The following EPHB4 variants were observed in gnomAD, a reference collection of about 807,000 sequenced individuals.
The protein encoded by EPHB4 is EPH receptor B4.
EPHB4 carries 50 observed loss-of-function variants against 110.6 expected under a neutral mutation model. That is an observed-to-expected ratio of 0.45 (90% CI 0.36 to 0.57). EPHB4 has a LOEUF of 0.57. Among genes scored for constraint, EPHB4 ranks in the 20% least tolerant of loss-of-function variants. The probability of loss-of-function intolerance (pLI) is 0.00; values close to 1 mark genes in which losing one functional copy is unlikely to be tolerated. For missense variants in EPHB4, 1,128 were observed against 1,382.1 expected, an observed-to-expected ratio of 0.82 and a Z score of 2.91; for synonymous variants, 592 against 578.4, an observed-to-expected ratio of 1.02 and a Z score of -0.34.
In EPHB4 at chr7:100,810,612, G is replaced by A. The variant is rs138251073; in HGVS notation, c.2118+2135C>T. On this transcript the variant is annotated intron_variant, in intron 12 of 16. Transcript: ENST00000358173. ...TTAAAAATTAGCCAGGTGTGGTGGT[G>A]TGCACCTGTAGTTCCAGCTACCCAG... Among the ~76,000 whole-genome samples, 1,122 of 151,984 alleles carry A rather than the reference G, an allele frequency of 7.4e-3. 15 individuals carry two copies. The highest frequency in any genetic ancestry group is 0.026 in the African/African-American group (1,084 of 41,460).
At chr7:100,807,237 C>T (rs552947577) in intron 13 of EPHB4, 128 bp downstream of exon 13, 13 of 914,230 alleles carry the variant, frequency 1.4e-5, no homozygotes, top group South Asian at 6.5e-5. Flanking sequence ...ACTGTCCCCC[C>T]ACCCACAGCC....
At chr7:100,819,424 G>T in intron 6 of EPHB4, 133 bp downstream of exon 6, 1 of 1,034,082 alleles carries the variant, frequency 9.7e-7, no homozygotes, top group Non-Finnish European at 1.4e-6. Flanking sequence ...CCCTCTTTCT[G>T]CCTCTTGCCC....
At position 100,819,799 on chromosome 7, in the gene EPHB4, C is replaced by A; in HGVS notation, c.1055G>T (p.Arg352Leu). 6.4e-7 allele frequency: 1 copy of A among 1,568,810 alleles called. No homozygotes were observed. ...EWSAPLESGGREDLTYALRCR... is the reference protein window; with the variant it reads ...EWSAPLESGGLEDLTYALRCR... Reference sequence around the variant, plus strand: ...GCGGAGGGCGTAGGTGAGGTCCTCTCGGCCACCAGACTCCAGGGGGGCACT... The same window carrying A: ...GCGGAGGGCGTAGGTGAGGTCCTCTAGGCCACCAGACTCCAGGGGGGCACT... Residue 352 changes from arginine to leucine, a missense_variant, in exon 6 of 17, where the codon CGA becomes CTA. By Grantham distance (102) the Arg-to-Leu change is moderately radical. Transcript: ENST00000358173.
Position 100,822,620 on chromosome 7 carries a change from G to A in EPHB4, c.459C>T (p.Ala153=), listed in dbSNP as rs769976523. 10 of 1,598,520 alleles carry A rather than the reference G, an allele frequency of 6.3e-6. No homozygotes were observed. The highest frequency in any genetic ancestry group is 4.0e-5 in the African/African-American group (3 of 74,646). ...AEHLTRKRPG[A]EATGKVNVKT... ...TGACATTCACCTTCCCGGTGGCCTC[G>A]GCCCCAGGGCGCTTCCGGGTGAGAT... Residue 153 remains alanine, a synonymous_variant, in exon 4 of 17, where the codon GCC becomes GCT. Coordinates refer to ENST00000358173, the MANE Select transcript of EPHB4 (RefSeq NM_004444.5). This position sits in a 1 kb window ranked among gnomAD's most constrained non-coding sequence, Gnocchi z 4.7.
intron 12 of EPHB4, among the ~76,000 whole-genome samples, chr7:100,810,661 T>C (rs1471343415): frequency 6.6e-6 from 1 of 152,142 alleles, no homozygotes; most frequent in East Asian, 1.9e-4. Flanking sequence ...GAGGATCACC[T>C]GAGCCAAGGA....
At position 100,805,668 on chromosome 7, in the gene EPHB4, G is replaced by C; in HGVS notation, c.2511C>G (p.Tyr837Ter). The change falls in exon 15 of 17, where the codon TAC becomes TAG. Residue 837 changes from tyrosine to a stop codon, truncating the protein, a stop_gained. Coordinates refer to ENST00000358173, the MANE Select transcript of EPHB4 (RefSeq NM_004444.5). LOFTEE classifies it high-confidence loss of function. ...GACAGTCTGGGGGCGGGGGCAGCCG[G>C]TAGTCCTGTTCAATGGCATTGATCA... ...QDVINAIEQDYRLPPPPDCPT... is the reference protein window; with the variant it reads ...QDVINAIEQD The C allele has an allele frequency of 6.5e-7, 1 of 1,527,342 alleles. No homozygotes were observed. Among genetic ancestry groups the C allele is most frequent in the Non-Finnish European group, 8.8e-7 (1 of 1,139,668 alleles). The allele number at this position is 1,527,342 out of a possible 1,614,324, so 94.6% of individuals were successfully genotyped here. A position where few individuals can be genotyped will look rare whatever the true frequency, so the allele number is the denominator to read the frequency against.
In EPHB4 at chr7:100,817,904, T is replaced by C. The variant is rs536397186; in HGVS notation, c.1423-547A>G. On this transcript the variant is annotated intron_variant, in intron 7 of 16. Transcript: ENST00000358173. ...TTTTTGGAGACAGAGTCTTGTTCTTTCGCCCAGGCCGGACTGCAGTGGCGC... is the reference window on the plus strand; with the variant it reads ...TTTTTGGAGACAGAGTCTTGTTCTTCCGCCCAGGCCGGACTGCAGTGGCGC... Among the ~76,000 whole-genome samples the C allele has an allele frequency of 3.0e-4, 45 of 147,802 alleles. No homozygotes were observed. In the East Asian group the frequency reaches 8.2e-3, roughly 27 times the overall value.
In EPHB4 at chr7:100,820,149, G is replaced by C. The variant is rs1215924939; in HGVS notation, c.956C>G (p.Pro319Arg). ...FRARTDPRGA[P>R]CTTPPSAPRS... ...GGGTGCTGGTCACTTACTGGTGCAGGGTGCACCCCGGGGGTCTGTGCGTGC... is the reference window on the plus strand; with the variant it reads ...GGGTGCTGGTCACTTACTGGTGCAGCGTGCACCCCGGGGGTCTGTGCGTGC... Residue 319 changes from proline to arginine, a missense_variant, in exon 5 of 17, where the codon CCC (proline) becomes CGC (arginine). Pro to Arg is a moderately radical substitution (Grantham distance 103). Transcript: ENST00000358173. The C allele has an allele frequency of 5.0e-6, 8 of 1,613,636 alleles. No individual in the cohort carries two copies. In the Admixed American group the frequency reaches 1.0e-4, roughly 20 times the overall value.
chr7:100,818,731 C>T lies in EPHB4; in HGVS notation c.1298-87G>A, dbSNP rs1290508140. On this transcript the variant is annotated intron_variant, in intron 6 of 16. Coordinates refer to ENST00000358173, the MANE Select transcript of EPHB4 (RefSeq NM_004444.5). ...AAAATTTTTTTTTTCGAGACGGAGT[C>T]GTGCTCTATCACCCAGGCTGGAGTG... The T allele has an allele frequency of 4.8e-6, 7 of 1,461,220 alleles. No individual in the cohort carries two copies. In the East Asian group the frequency reaches 1.0e-4, roughly 21 times the overall value. 90.5% of individuals were successfully genotyped at this position (1,461,220 alleles called of 1,614,324 possible).
In EPHB4 at chr7:100,803,281, G is replaced by A. The variant is rs201276061; in HGVS notation, c.*180C>T. 1.7e-5 allele frequency: 12 copies of A among 718,330 alleles called. No homozygotes were observed. Among genetic ancestry groups the A allele is most frequent in the East Asian group, 9.3e-5 (3 of 32,418 alleles). 44.5% of individuals were successfully genotyped at this position (718,330 alleles called of 1,614,324 possible). On this transcript the variant is annotated 3_prime_UTR_variant, in exon 17 of 17. Transcript: ENST00000358173. Reference sequence around the variant, plus strand: ...TGGAGTTCCCCGAGGTGGCTGGGGGGTGATTTTCCCCTCCTATTATGGCAG... The same window carrying A: ...TGGAGTTCCCCGAGGTGGCTGGGGGATGATTTTCCCCTCCTATTATGGCAG...
chr7:100,825,822 C>T (rs1218675584), intron 1 of EPHB4, among the ~76,000 whole-genome samples: 1 of 152,214 alleles, frequency 6.6e-6, no homozygotes, highest in Non-Finnish European at 1.5e-5. Context: ...TTCCTCTTTG[C>T]GTCTTTCCTT....
intron 12 of EPHB4, 42 bp from the exon 13 acceptor site, chr7:100,807,622 C>A: frequency 6.3e-7 from 1 of 1,576,136 alleles, no homozygotes; most frequent in South Asian, 1.1e-5. Flanking sequence ...GGACAGCCCA[C>A]CCACCGTTCC....
At chr7:100,818,667 G>T in intron 6 of EPHB4, 23 bp from the exon 7 acceptor site, 1 of 1,602,338 alleles carries the variant, frequency 6.2e-7, no homozygotes. Context: ...GAGACACAGG[G>T]AACCCTTGTG....
rs1488995631 is a variant in EPHB4, at chr7:100,812,630, G to C, written c.2118+117C>G. On this transcript the variant is annotated intron_variant, in intron 12 of 16. Coordinates refer to ENST00000358173, the MANE Select transcript of EPHB4 (RefSeq NM_004444.5). ...AGAGGACCAGGGCTTAGCCCAAGAG[G>C]AAAAGGCTGGAGGAGGTGACCTGGG... 9 of 1,396,334 alleles carry C rather than the reference G, an allele frequency of 6.4e-6. No individual in the cohort carries two copies. The African/African-American group carries it at 1.0e-4, about 16-fold the overall frequency. The allele number at this position is 1,396,334 out of a possible 1,614,324, so 86.5% of individuals were successfully genotyped here.
At chr7:100,814,805 A>T (rs1813026780) in intron 8 of EPHB4, among the ~76,000 whole-genome samples, 2 of 151,766 alleles carry the variant, frequency 1.3e-5, no homozygotes, top group Non-Finnish European at 2.9e-5. Context: ...GTGTGAGGCC[A>T]GGTGTTCAAG....
Position 100,803,270 on chromosome 7 carries a change from G to C in EPHB4, c.*191C>G, listed in dbSNP as rs1321630069. On this transcript the variant is annotated 3_prime_UTR_variant, in exon 17 of 17. Transcript: ENST00000358173. ...CACCCTTGGTCTGGAGTTCCCCGAGGTGGCTGGGGGGTGATTTTCCCCTCC... is the reference window on the plus strand; with the variant it reads ...CACCCTTGGTCTGGAGTTCCCCGAGCTGGCTGGGGGGTGATTTTCCCCTCC... 1 of 628,166 alleles carries C rather than the reference G, an allele frequency of 1.6e-6. No homozygotes were observed. Among genetic ancestry groups the C allele is most frequent in the Non-Finnish European group, 2.4e-6 (1 of 409,330 alleles). 38.9% of individuals were successfully genotyped at this position (628,166 alleles called of 1,614,324 possible).
In EPHB4 at chr7:100,822,148, C is replaced by T. The variant is rs1584665629; in HGVS notation, c.808+123G>A. 2.2e-6 allele frequency: 3 copies of T among 1,354,912 alleles called. No homozygotes were observed. In the East Asian group the frequency reaches 7.7e-5, roughly 35 times the overall value. The allele number at this position is 1,354,912 out of a possible 1,614,324, so 83.9% of individuals were successfully genotyped here. A position where few individuals can be genotyped will look rare whatever the true frequency, so the allele number is the denominator to read the frequency against. The stretch of plus-strand genomic sequence containing the variant: ...TGCCACTGCACTCCAGCCTGGGTGA[C>T]AGAGCAAGCCTCCATTTCAACATCT... On this transcript the variant is annotated intron_variant, in intron 4 of 16. Coordinates refer to ENST00000358173, the MANE Select transcript of EPHB4 (RefSeq NM_004444.5). The surrounding 1 kb of genome is among the most constrained non-coding windows in gnomAD (Gnocchi z 4.7).
intron 3 of EPHB4, 139 bp downstream of exon 3, chr7:100,823,505 C>A: frequency 4.2e-6 from 5 of 1,180,544 alleles, no homozygotes; most frequent in Non-Finnish European, 5.8e-6. Context: ...CCTTCCCTCC[C>A]CAGACCTAAG....
rs765108714 is a variant in EPHB4 at position 100,805,306 on chromosome 7, G to A, written c.2694C>T (p.Leu898=). The change falls in exon 16 of 17, where the codon CTC becomes CTT. Residue 898 remains leucine (L), a synonymous_variant. Coordinates refer to ENST00000358173, the MANE Select transcript of EPHB4 (RefSeq NM_004444.5). ...ARENGGASHP[L]LDQRQPHYSA... ...AGTAGTGAGGCTGCCGCTGGTCCAGGAGAGGGTGTGAGGCCCTAGGGGGCA... is the reference window on the plus strand; with the variant it reads ...AGTAGTGAGGCTGCCGCTGGTCCAGAAGAGGGTGTGAGGCCCTAGGGGGCA... 3 of 1,613,724 alleles carry A rather than the reference G, an allele frequency of 1.9e-6. No individual in the cohort carries two copies. Among genetic ancestry groups the A allele is most frequent in the Non-Finnish European group, 2.5e-6 (3 of 1,179,912 alleles).
Sources: allele counts gnomAD v4.1 joint callset (sites outside exome capture counted in the v4.1 genomes callset), GRCh38; gene constraint gnomAD v4.1.1; non-coding constraint Gnocchi (gnomAD v3.1); transcripts MANE v1.5; gene names NCBI Gene and HGNC (gene_info 2026-07-23, HGNC 2026-07-21).